Variants in GALNT17 observed in about 807,000 individuals in gnomAD.
GALNT17 encodes the protein UDP-GalNAc:polypeptide N-acetylgalactosaminyltransferase-like 3.
A neutral mutation model predicts 63.7 loss-of-function variants in GALNT17; 29 were observed. The observed-to-expected ratio is 0.46, with a 90% CI of 0.34 to 0.62. The LOEUF (loss-of-function observed/expected upper bound fraction) is 0.62. Among genes scored for constraint, GALNT17 ranks in the 20% least tolerant of loss-of-function variants. The pLI, the probability that GALNT17 is intolerant of heterozygous loss-of-function variation, is 0.01. For synonymous variants in GALNT17, 305 were observed against 318.3 expected (o/e 0.96, Z 0.45); for missense variants, 603 against 799.6 (o/e 0.75, Z 2.97).
chr7:71,211,940 T>G (rs771271780), intron 1 of GALNT17, among the ~76,000 whole-genome samples: 7 of 152,202 alleles, frequency 4.6e-5, no homozygotes, highest in Non-Finnish European at 8.8e-5. Context: ...TTGGAAAATT[T>G]GCAGCCTATG....
chr7:71,653,164 T>C (rs2204481), intron 6 of GALNT17, among the ~76,000 whole-genome samples: 138,059 of 151,920 alleles, frequency 0.91, 64,198 homozygotes, highest in South Asian at 1. Flanking sequence ...TACAGGCACC[T>C]GCCACCACAC....
At chr7:71,137,524 C>G (rs1162721576) in intron 1 of GALNT17, among the ~76,000 whole-genome samples, 3 of 152,140 alleles carry the variant, frequency 2.0e-5, no homozygotes, top group Non-Finnish European at 4.4e-5. Flanking sequence ...ATTGGTTGAT[C>G]AAGTTGTTGG....
intron 2 of GALNT17, among the ~76,000 whole-genome samples, chr7:71,356,342 G>T (rs1222130433): frequency 6.6e-6 from 1 of 152,208 alleles, no homozygotes; most frequent in South Asian, 2.1e-4. Context: ...CAAGTACGGT[G>T]CCTTTGTCTG....
intron 6 of GALNT17, among the ~76,000 whole-genome samples, chr7:71,605,518 G>A (rs920237154): frequency 6.6e-5 from 10 of 151,248 alleles, no homozygotes; most frequent in East Asian, 1.9e-4. Flanking sequence ...CCCAGGAGGC[G>A]GAGGTTGCAG....
At chr7:71,201,303 A>G (rs145610055) in intron 1 of GALNT17, among the ~76,000 whole-genome samples, 5 of 146,250 alleles carry the variant, frequency 3.4e-5, no homozygotes, top group Non-Finnish European at 7.4e-5. Context: ...ACATGTGTGG[A>G]TTTTCCAGTC....
chr7:71,378,728 A>T (rs1191688730), intron 2 of GALNT17, among the ~76,000 whole-genome samples: 2 of 152,118 alleles, frequency 1.3e-5, no homozygotes, highest in Non-Finnish European at 1.5e-5. Flanking sequence ...TCGTGCCTGT[A>T]ATCCCAGTGC....
chr7:71,641,370 T>C (rs1356360826), intron 6 of GALNT17, among the ~76,000 whole-genome samples: 1 of 152,188 alleles, frequency 6.6e-6, no homozygotes, highest in Non-Finnish European at 1.5e-5. Flanking sequence ...ACCTACCTAA[T>C]GGGCTTTGTC....
At chr7:71,704,446 G>T (rs1584150504) in intron 9 of GALNT17, among the ~76,000 whole-genome samples, 1 of 148,680 alleles carries the variant, frequency 6.7e-6, no homozygotes, top group Non-Finnish European at 1.5e-5. Flanking sequence ...TTCCTAAATT[G>T]ATCTAGAGAT....
chr7:71,217,369 G>T (rs566263755), intron 1 of GALNT17, among the ~76,000 whole-genome samples: 1 of 151,692 alleles, frequency 6.6e-6, no homozygotes, highest in East Asian at 1.9e-4. Flanking sequence ...ACCCACTTTT[G>T]TATTTTAGTC....
At chr7:71,707,917 T>C (rs1303509713) in intron 9 of GALNT17, among the ~76,000 whole-genome samples, 1 of 152,194 alleles carries the variant, frequency 6.6e-6, no homozygotes, top group Non-Finnish European at 1.5e-5. Context: ...AGACTCCATT[T>C]CTTGATGGAA....
At chr7:71,400,303 A>G (rs1037826459) in intron 3 of GALNT17, among the ~76,000 whole-genome samples, 1 of 152,112 alleles carries the variant, frequency 6.6e-6, no homozygotes, top group Non-Finnish European at 1.5e-5. Flanking sequence ...TTCCAGCTTC[A>G]TCTGTGTCCT....
At chr7:71,571,879 G>A (rs1562695667) in intron 6 of GALNT17, among the ~76,000 whole-genome samples, 1 of 151,970 alleles carries the variant, frequency 6.6e-6, no homozygotes, top group Non-Finnish European at 1.5e-5. Context: ...CAAGCGTGAT[G>A]GTGCATGTCT....
intron 5 of GALNT17, among the ~76,000 whole-genome samples, chr7:71,446,122 C>T (rs1787156522): frequency 6.6e-6 from 1 of 152,152 alleles, no homozygotes; most frequent in African/African-American, 2.4e-5. Context: ...TACAGCCATT[C>T]AAGAGGGGAA....
At chr7:71,427,937 A>G (rs1205039821) in intron 5 of GALNT17, among the ~76,000 whole-genome samples, 1 of 152,164 alleles carries the variant, frequency 6.6e-6, no homozygotes, top group East Asian at 1.9e-4. Flanking sequence ...TCTGAGGTAG[A>G]ACAGTTTCAT....
chr7:71,641,546 G>A (rs997547422), intron 6 of GALNT17, among the ~76,000 whole-genome samples: 6 of 152,086 alleles, frequency 3.9e-5, no homozygotes, highest in Non-Finnish European at 8.8e-5. Context: ...GTCTTGCAAT[G>A]TCCTCACGTA....
intron 1 of GALNT17, among the ~76,000 whole-genome samples, chr7:71,151,599 G>A (rs909639796): frequency 2.1e-5 from 3 of 144,294 alleles, no homozygotes; most frequent in Non-Finnish European, 3.0e-5. Context: ...CAGCCTGGGC[G>A]ACACAGCAAG....
At chr7:71,318,411 C>CTTTTTTTTTTTTT (rs747726741) in intron 1 of GALNT17, among the ~76,000 whole-genome samples, 2 of 134,396 alleles carry the variant, frequency 1.5e-5, no homozygotes. Context: ...CCCTGAAGCT[C>CTTTTTTTTTTTTT]TTTTTTTTTT....
chr7:71,213,733 C>T (rs1789424508), intron 1 of GALNT17, among the ~76,000 whole-genome samples: 2 of 152,168 alleles, frequency 1.3e-5, no homozygotes, highest in East Asian at 3.9e-4. Flanking sequence ...TTTGGATCAT[C>T]TTCTGTCATC....
chr7:71,132,752 C>G lies in GALNT17; in HGVS notation c.-51C>G. On this transcript the variant is annotated 5_prime_UTR_variant, in exon 1 of 11. Transcript: ENST00000333538. ...CGGCCCCTGGCTGCCCCGCGCCTCGCCGGAGCCCGAGGGGGCGCAGGTCCG... is the reference window on the plus strand; with the variant it reads ...CGGCCCCTGGCTGCCCCGCGCCTCGGCGGAGCCCGAGGGGGCGCAGGTCCG... 1 of 1,490,106 alleles carries G rather than the reference C, an allele frequency of 6.7e-7. No homozygotes were observed. Among genetic ancestry groups the G allele is most frequent in the Non-Finnish European group, 9.0e-7 (1 of 1,105,414 alleles). The allele number at this position is 1,490,106 out of a possible 1,614,324, so 92.3% of individuals were successfully genotyped here.
Sources: allele counts gnomAD v4.1 joint callset (sites outside exome capture counted in the v4.1 genomes callset), GRCh38; gene constraint gnomAD v4.1.1; transcripts MANE v1.5; gene names NCBI Gene and HGNC (gene_info 2026-07-23, HGNC 2026-07-21).